The following CAST variants were observed in gnomAD, a reference collection of about 807,000 sequenced individuals.
CAST encodes the protein calpastatin.
CAST carries 76 observed loss-of-function variants against 119.6 expected under a neutral mutation model. The observed-to-expected ratio is 0.64, with a 90% CI of 0.53 to 0.77. The LOEUF is 0.77. Among genes scored for constraint, CAST ranks in the 30% least tolerant of loss-of-function variants. CAST has a pLI of 0.00. For synonymous variants in CAST, 319 were observed against 331.6 expected, an observed-to-expected ratio of 0.96 and a Z score of 0.41; for missense variants, 953 against 946.5, an observed-to-expected ratio of 1.01 and a Z score of -0.09.
At chr5:96,446,585 C>T in the CAST span, among the ~76,000 whole-genome samples, 15 of 152,282 alleles carry the variant, frequency 9.9e-5, no homozygotes, top group South Asian at 6.2e-4. Flanking sequence ...AATAAGCAGT[C>T]GGTGCTCAGC....
chr5:96,473,756 T>A, the CAST span, among the ~76,000 whole-genome samples: 1 of 152,264 alleles, frequency 6.6e-6, no homozygotes, highest in Non-Finnish European at 1.5e-5. Flanking sequence ...AGGAGGTGAG[T>A]ACAACTGACT....
the CAST span, among the ~76,000 whole-genome samples, chr5:96,451,922 A>G: frequency 1.3e-5 from 2 of 152,248 alleles, no homozygotes; most frequent in East Asian, 3.8e-4. Context: ...AGAGAAATGC[A>G]AATCAAAACC....
At chr5:96,563,723 C>T (rs261999) in intron 1 of CAST, among the ~76,000 whole-genome samples, 44,028 of 151,960 alleles carry the variant, frequency 0.29, 7,354 homozygotes, top group Middle Eastern at 0.43. Flanking sequence ...GGTTCACTGC[C>T]GCACTTACTG....
intron 9 of CAST, among the ~76,000 whole-genome samples, chr5:96,735,939 C>T (rs1234653806): frequency 6.6e-6 from 1 of 152,164 alleles, no homozygotes; most frequent in Non-Finnish European, 1.5e-5. Flanking sequence ...TACTGTGTAA[C>T]CTGAGGAAAG....
At chr5:96,058,726 A>G in the CAST span, among the ~76,000 whole-genome samples, 2 of 152,088 alleles carry the variant, frequency 1.3e-5, no homozygotes, top group Admixed American at 1.3e-4. Flanking sequence ...TTTGAGAGGT[A>G]CAAGTACTAA....
chr5:96,560,201 T>G (rs1227009803), intron 1 of CAST, among the ~76,000 whole-genome samples: 4 of 151,870 alleles, frequency 2.6e-5, no homozygotes, highest in Admixed American at 6.6e-5. Context: ...ATACAAAAAT[T>G]AATTCAAGAT....
At chr5:96,671,360 G>C (rs892596736) in intron 1 of CAST, among the ~76,000 whole-genome samples, 4 of 152,140 alleles carry the variant, frequency 2.6e-5, no homozygotes, top group Admixed American at 2.0e-4. Flanking sequence ...AGAATAGGAA[G>C]TTTTCATGTT....
chr5:96,639,751 A>T (rs751595492), intron 1 of CAST, among the ~76,000 whole-genome samples: 8 of 152,222 alleles, frequency 5.3e-5, no homozygotes, highest in Non-Finnish European at 5.9e-5. Flanking sequence ...GTTTTTTGGT[A>T]ACTCAGTGGG....
At chr5:96,183,965 C>T in the CAST span, among the ~76,000 whole-genome samples, 51 of 152,156 alleles carry the variant, frequency 3.4e-4, no homozygotes, top group African/African-American at 1.2e-3. Flanking sequence ...AGACTTCTGT[C>T]CACTGCTAGA....
chr5:96,631,175 C>G (rs948235176), intron 1 of CAST: 1 of 140,722 alleles, frequency 7.1e-6, no homozygotes, highest in African/African-American at 2.5e-5. Context: ...CAAGTTCACT[C>G]TGTTGTACAA....
At chr5:96,405,119 T>C in the CAST span, among the ~76,000 whole-genome samples, 1 of 152,148 alleles carries the variant, frequency 6.6e-6, no homozygotes. Context: ...AAATGTTCAA[T>C]TGAGAACAGA....
chr5:96,558,411 A>T (rs1236372315), intron 1 of CAST, among the ~76,000 whole-genome samples: 1 of 152,148 alleles, frequency 6.6e-6, no homozygotes, highest in East Asian at 1.9e-4. Flanking sequence ...AAATCAGTGA[A>T]TCCAGGAGCT....
chr5:96,476,221 G>A, the CAST span, among the ~76,000 whole-genome samples: 9 of 152,120 alleles, frequency 5.9e-5, no homozygotes, highest in Non-Finnish European at 1.2e-4. Flanking sequence ...GTGCACATTG[G>A]AGACTAGAGA....
chr5:96,264,848 A>G, the CAST span, among the ~76,000 whole-genome samples: 1 of 152,166 alleles, frequency 6.6e-6, no homozygotes, highest in Non-Finnish European at 1.5e-5. Context: ...ATTAATTCAT[A>G]TTTTTGTGCA....
the CAST span, among the ~76,000 whole-genome samples, chr5:96,289,656 A>G: frequency 5.9e-5 from 9 of 152,150 alleles, no homozygotes; most frequent in Non-Finnish European, 1.3e-4. Context: ...TAAATTACCC[A>G]GTCTTGGATA....
the CAST span, among the ~76,000 whole-genome samples, chr5:96,303,475 G>A: frequency 6.6e-6 from 1 of 152,076 alleles, no homozygotes; most frequent in East Asian, 1.9e-4. Context: ...TTTATTTATA[G>A]TATACTTTAA....
chr5:96,666,102 G>C (rs748881009), intron 1 of CAST, among the ~76,000 whole-genome samples: 19 of 152,144 alleles, frequency 1.2e-4, no homozygotes, highest in Non-Finnish European at 1.6e-4. Flanking sequence ...AATTTAGGCA[G>C]AATAAAATGA....
chr5:95,965,256 G>A, the CAST span: 1 of 152,072 alleles, frequency 6.6e-6, no homozygotes, highest in Non-Finnish European at 1.5e-5. Flanking sequence ...TTAAAGCTGA[G>A]AAACAAAGAT....
chr5:96,226,622 A>G, the CAST span, among the ~76,000 whole-genome samples: 1 of 152,154 alleles, frequency 6.6e-6, no homozygotes, highest in Non-Finnish European at 1.5e-5. Context: ...ACACCACTGC[A>G]CTTCAGCCTG....
Sources: gnomAD v4.1 joint callset for allele counts (sites outside exome capture counted in the v4.1 genomes callset) on GRCh38, gnomAD v4.1.1 for gene constraint, MANE v1.5 for transcripts, NCBI Gene and HGNC (gene_info 2026-07-23, HGNC 2026-07-21) for gene names.